Variants in GALNT7 observed in about 807,000 individuals in gnomAD.
GALNT7 encodes the protein N-acetylgalactosaminyltransferase 7.
Under a neutral mutation model 82.1 loss-of-function variants are expected in GALNT7, and 60 were observed. That is an observed-to-expected ratio of 0.73 (90% CI 0.59 to 0.91). The LOEUF (loss-of-function observed/expected upper bound fraction) is 0.91, where lower values mean the gene tolerates loss of function less well. Among genes scored for constraint, GALNT7 ranks in the 40% least tolerant of loss-of-function variants. The probability of loss-of-function intolerance (pLI) is 0.00; values close to 1 mark genes in which losing one functional copy is unlikely to be tolerated. For missense variants in GALNT7, 660 were observed against 804.2 expected (o/e 0.82, Z 2.17); for synonymous variants, 243 against 275.1 (o/e 0.88, Z 1.15).
chr4:173,202,776 A>G (rs1356348961), intron 1 of GALNT7, among the ~76,000 whole-genome samples: 1 of 152,110 alleles, frequency 6.6e-6, no homozygotes, highest in Non-Finnish European at 1.5e-5. Context: ...ACATACTATC[A>G]TTGTCCCAAA....
chr4:173,286,467 T>G (rs993202798), intron 2 of GALNT7, among the ~76,000 whole-genome samples: 2 of 152,222 alleles, frequency 1.3e-5, no homozygotes, highest in Admixed American at 6.5e-5. Flanking sequence ...AAGCTGCCAT[T>G]GTAACTGCTT....
At chr4:173,172,899 A>G (rs959891754) in intron 1 of GALNT7, among the ~76,000 whole-genome samples, 2 of 152,082 alleles carry the variant, frequency 1.3e-5, no homozygotes, top group Non-Finnish European at 2.9e-5. Context: ...AGCCGTTGAA[A>G]GATTTTAAGT....
intron 1 of GALNT7, among the ~76,000 whole-genome samples, chr4:173,230,212 T>C (rs1733985475): frequency 6.6e-6 from 1 of 152,230 alleles, no homozygotes; most frequent in African/African-American, 2.4e-5. Flanking sequence ...ATAGCAAATT[T>C]CAGTTGCACC....
chr4:173,238,092 A>G (rs1187975526), intron 1 of GALNT7, among the ~76,000 whole-genome samples: 2 of 152,170 alleles, frequency 1.3e-5, no homozygotes, highest in African/African-American at 4.8e-5. Context: ...TTAAATGTAT[A>G]TTTCCTCTCT....
intron 1 of GALNT7, among the ~76,000 whole-genome samples, chr4:173,222,886 T>C (rs1733688717): frequency 6.6e-6 from 1 of 152,206 alleles, no homozygotes; most frequent in African/African-American, 2.4e-5. Context: ...ATAAAATGAC[T>C]ATTAAGGTTA....
chr4:173,169,829 G>A (rs1047897031), intron 1 of GALNT7, among the ~76,000 whole-genome samples: 1 of 151,952 alleles, frequency 6.6e-6, no homozygotes, highest in Admixed American at 6.6e-5. Flanking sequence ...AGGGCTGCTT[G>A]GGCCGGAAAA....
intron 2 of GALNT7, among the ~76,000 whole-genome samples, chr4:173,262,677 A>G (rs1735322563): frequency 6.6e-6 from 1 of 152,188 alleles, no homozygotes; most frequent in Non-Finnish European, 1.5e-5. Flanking sequence ...GTTTCTTTCA[A>G]GTGAAAATGG....
chr4:173,180,324 T>TC (rs1398871991), intron 1 of GALNT7, among the ~76,000 whole-genome samples: 1 of 121,204 alleles, frequency 8.3e-6, no homozygotes, highest in Non-Finnish European at 1.7e-5. Flanking sequence ...ATATTGGAGT[T>TC]CCTTTTTTTT....
intron 1 of GALNT7, among the ~76,000 whole-genome samples, chr4:173,188,838 T>G (rs761841396): frequency 3.3e-5 from 5 of 152,230 alleles, no homozygotes; most frequent in Non-Finnish European, 7.3e-5. Flanking sequence ...AGTTCCTGAT[T>G]ATGATTGATG....
chr4:173,215,802 T>C (rs975438111), intron 1 of GALNT7, among the ~76,000 whole-genome samples: 10 of 152,158 alleles, frequency 6.6e-5, no homozygotes, highest in Non-Finnish European at 1.5e-4. Context: ...TTACAAATAC[T>C]CAGACCTTCA....
chr4:173,262,963 A>G (rs897778702), intron 2 of GALNT7, among the ~76,000 whole-genome samples: 1 of 152,202 alleles, frequency 6.6e-6, no homozygotes, highest in Non-Finnish European at 1.5e-5. Context: ...TATATTAAGT[A>G]TATTAGGGTA....
chr4:173,198,358 G>A (rs960828279), intron 1 of GALNT7, among the ~76,000 whole-genome samples: 5 of 151,822 alleles, frequency 3.3e-5, no homozygotes, highest in Admixed American at 1.3e-4. Context: ...GTGAGCCACC[G>A]CGCCCGGCCT....
intron 2 of GALNT7, among the ~76,000 whole-genome samples, chr4:173,251,555 T>C (rs1734847127): frequency 6.6e-6 from 1 of 152,236 alleles, no homozygotes. Flanking sequence ...CCTTCCATGA[T>C]GCTAAAGCCT....
intron 2 of GALNT7, among the ~76,000 whole-genome samples, chr4:173,264,380 A>G (rs1156878512): frequency 6.6e-6 from 1 of 152,168 alleles, no homozygotes. Context: ...ATTATAAGGT[A>G]TAATGTGTGA....
intron 1 of GALNT7, among the ~76,000 whole-genome samples, chr4:173,224,575 A>G (rs1246540488): frequency 6.6e-6 from 1 of 152,186 alleles, no homozygotes; most frequent in Non-Finnish European, 1.5e-5. Flanking sequence ...ATTAATTTTA[A>G]AAATTATATT....
At chr4:173,281,755 A>G (rs1354759299) in intron 2 of GALNT7, among the ~76,000 whole-genome samples, 1 of 152,070 alleles carries the variant, frequency 6.6e-6, no homozygotes, top group Admixed American at 6.5e-5. Context: ...GTTACCTTCT[A>G]TCCCCTTGTT....
chr4:173,311,719 G>A (rs73003362), intron 8 of GALNT7, among the ~76,000 whole-genome samples: 8,543 of 152,186 alleles, frequency 0.056, 368 homozygotes, highest in African/African-American at 0.11. Flanking sequence ...ACCAGGCCCC[G>A]CCTCCAACAT....
intron 1 of GALNT7, among the ~76,000 whole-genome samples, chr4:173,184,855 A>G (rs1405637121): frequency 1.3e-5 from 2 of 152,190 alleles, no homozygotes; most frequent in Admixed American, 6.5e-5. Flanking sequence ...ACTTCTTGTC[A>G]GCTGTCTATG....
chr4:173,299,991 A>G (rs992695560), intron 6 of GALNT7, among the ~76,000 whole-genome samples: 1 of 152,218 alleles, frequency 6.6e-6, no homozygotes, highest in African/African-American at 2.4e-5. Context: ...ATGAGAGAAC[A>G]ACTTTTTTCT....
Sources: allele counts gnomAD v4.1 joint callset (sites outside exome capture counted in the v4.1 genomes callset), GRCh38; gene constraint gnomAD v4.1.1; transcripts MANE v1.5; gene names NCBI Gene and HGNC (gene_info 2026-07-23, HGNC 2026-07-21).